Variants in STXBP5L observed in about 807,000 individuals in gnomAD.
STXBP5L encodes syntaxin binding protein 5L, also known as syntaxin-binding protein 5-like.
STXBP5L carries 65 observed loss-of-function variants against 144.5 expected under a neutral mutation model. The ratio of observed to expected loss-of-function variants is 0.45; its 90% confidence interval spans 0.37 to 0.55. The LOEUF (loss-of-function observed/expected upper bound fraction) is 0.55, where lower values mean the gene tolerates loss of function less well. Ranked by LOEUF, STXBP5L falls within the 20% of genes least tolerant of loss-of-function variation. The probability of loss-of-function intolerance (pLI) is 0.00; values close to 1 mark genes in which losing one functional copy is unlikely to be tolerated. For missense variants in STXBP5L, 1,298 were observed against 1,405.5 expected (o/e 0.92, Z 1.22); for synonymous variants, 505 against 469.6 (o/e 1.08, Z -0.97).
intron 7 of STXBP5L, among the ~76,000 whole-genome samples, chr3:121,124,103 A>G (rs1225208653): frequency 6.6e-6 from 1 of 151,866 alleles, no homozygotes; most frequent in Non-Finnish European, 1.5e-5. Flanking sequence ...TCTATTTTTC[A>G]CTGATTTATA....
intron 19 of STXBP5L, among the ~76,000 whole-genome samples, chr3:121,312,753 G>A (rs1451372149): frequency 6.6e-6 from 1 of 151,918 alleles, no homozygotes; most frequent in Non-Finnish European, 1.5e-5. Context: ...CACAGCACAT[G>A]TTTCAGAGAG....
chr3:120,964,623 G>A (rs957609107), intron 3 of STXBP5L, among the ~76,000 whole-genome samples: 2 of 152,216 alleles, frequency 1.3e-5, no homozygotes, highest in African/African-American at 4.8e-5. Context: ...TGATTGCACT[G>A]TGGTCTGAGA....
intron 22 of STXBP5L, among the ~76,000 whole-genome samples, chr3:121,390,412 G>A (rs530873366): frequency 3.0e-4 from 46 of 152,256 alleles, no homozygotes; most frequent in African/African-American, 1.0e-3. Flanking sequence ...TGTTATGTGT[G>A]AATTTGATCC....
intron 5 of STXBP5L, among the ~76,000 whole-genome samples, chr3:121,092,789 C>A (rs2042884839): frequency 6.6e-6 from 1 of 152,142 alleles, no homozygotes; most frequent in African/African-American, 2.4e-5. Flanking sequence ...ATTGCCCTGG[C>A]CAGAACTTCC....
chr3:121,302,118 A>G (rs2051938239), intron 19 of STXBP5L, among the ~76,000 whole-genome samples: 1 of 152,200 alleles, frequency 6.6e-6, no homozygotes, highest in African/African-American at 2.4e-5. Flanking sequence ...TTCAGAAGGA[A>G]TGATACCAGC....
intron 9 of STXBP5L, among the ~76,000 whole-genome samples, chr3:121,185,208 G>A (rs1055462481): frequency 7.2e-5 from 11 of 152,192 alleles, no homozygotes; most frequent in African/African-American, 2.4e-4. Context: ...CCCTTTGTCA[G>A]ATGAGTAGAT....
chr3:121,247,293 A>G (rs776228928), intron 14 of STXBP5L, among the ~76,000 whole-genome samples: 3 of 152,198 alleles, frequency 2.0e-5, no homozygotes, highest in Non-Finnish European at 4.4e-5. Context: ...GAGTTCTCCA[A>G]CTTTGTTTTT....
intron 3 of STXBP5L, among the ~76,000 whole-genome samples, chr3:120,989,438 C>T (rs1942617481): frequency 1.3e-5 from 2 of 152,032 alleles, no homozygotes; most frequent in Admixed American, 1.3e-4. Flanking sequence ...TCTTCCTTTG[C>T]AAAATGTCTG....
intron 3 of STXBP5L, among the ~76,000 whole-genome samples, chr3:120,955,564 G>A (rs917317832): frequency 3.3e-5 from 5 of 151,882 alleles, no homozygotes; most frequent in African/African-American, 1.2e-4. Flanking sequence ...GTGTCATCTT[G>A]TTTTTTAAAA....
Position 121,023,889 on chromosome 3 carries a change from G to A in STXBP5L, c.288-17811G>A, listed in dbSNP as rs538794091. ...TCCTACCTCAGCCTCCCAAGTAGCT[G>A]GGACTACAGGTGCCCACCACCACCC... On this transcript the variant is annotated intron_variant, in intron 3 of 26. Transcript: ENST00000471454. 6.6e-5 allele frequency among the ~76,000 whole-genome samples: 10 copies of A among 152,134 alleles called. No individual in the cohort carries two copies. In the South Asian group the frequency reaches 2.1e-3, roughly 32 times the overall value.
intron 3 of STXBP5L, among the ~76,000 whole-genome samples, chr3:121,010,266 C>T (rs996884925): frequency 6.6e-6 from 1 of 151,704 alleles, no homozygotes; most frequent in African/African-American, 2.4e-5. Context: ...GTGAGGGAAT[C>T]ACTACTACAC....
rs200578321 is a variant in STXBP5L, at chr3:120,967,595, A to G, written c.287+12558A>G. 5.9e-5 allele frequency among the ~76,000 whole-genome samples: 9 copies of G among 152,120 alleles called. No individual in the cohort carries two copies. In the East Asian group the frequency reaches 1.7e-3, roughly 29 times the overall value. The stretch of plus-strand genomic sequence containing the variant: ...TTGATATTTGTTTAGTCTCAATTTT[A>G]TATCTTTATACTCTAATGTTTATTA... On this transcript the variant is annotated intron_variant, in intron 3 of 26. Coordinates refer to ENST00000471454, the MANE Select transcript of STXBP5L (RefSeq NM_001308330.2).
intron 19 of STXBP5L, among the ~76,000 whole-genome samples, chr3:121,311,164 A>C (rs1048112154): frequency 1.3e-5 from 2 of 152,218 alleles, no homozygotes; most frequent in Non-Finnish European, 2.9e-5. Flanking sequence ...ATTTAAAATC[A>C]TAATAAGATA....
chr3:121,171,961 G>T (rs2046736084), intron 9 of STXBP5L, among the ~76,000 whole-genome samples: 1 of 152,160 alleles, frequency 6.6e-6, no homozygotes, highest in Non-Finnish European at 1.5e-5. Context: ...ATACTACAAG[G>T]CTACAGTAAC....
At chr3:121,134,928 G>A (rs1300796087) in intron 7 of STXBP5L, among the ~76,000 whole-genome samples, 2 of 152,138 alleles carry the variant, frequency 1.3e-5, no homozygotes, top group African/African-American at 4.8e-5. Flanking sequence ...CCCAGTAATG[G>A]GATGGCTGGG....
intron 11 of STXBP5L, among the ~76,000 whole-genome samples, chr3:121,227,263 A>G (rs954564045): frequency 6.6e-6 from 1 of 152,166 alleles, no homozygotes; most frequent in African/African-American, 2.4e-5. Flanking sequence ...TATCCTTATC[A>G]ATTACTTAAT....
intron 3 of STXBP5L, among the ~76,000 whole-genome samples, chr3:120,989,464 C>T (rs747928894): frequency 6.6e-6 from 1 of 151,982 alleles, no homozygotes; most frequent in Non-Finnish European, 1.5e-5. Context: ...GTAATTTGCC[C>T]ACTCTTTAAT....
chr3:120,971,180 C>A (rs181101904), intron 3 of STXBP5L, among the ~76,000 whole-genome samples: 5 of 152,150 alleles, frequency 3.3e-5, no homozygotes, highest in Non-Finnish European at 7.4e-5. Flanking sequence ...CTGCAGATTG[C>A]GTTCTCTGCA....
chr3:121,416,532 G>A (rs2047242714), intron 25 of STXBP5L, among the ~76,000 whole-genome samples: 1 of 149,942 alleles, frequency 6.7e-6, no homozygotes, highest in Non-Finnish European at 1.5e-5. Flanking sequence ...ATTTGAGACA[G>A]AGTCTTGCTC....
Sources: allele counts gnomAD v4.1 joint callset (sites outside exome capture counted in the v4.1 genomes callset), GRCh38; gene constraint gnomAD v4.1.1; transcripts MANE v1.5; gene names NCBI Gene and HGNC (gene_info 2026-07-23, HGNC 2026-07-21).